ARHGEF12: variants seen among roughly 807,000 people sequenced by gnomAD.
ARHGEF12 encodes Rho guanine nucleotide exchange factor 12, also known as KMT2A/ARHGEF12 fusion protein.
In ARHGEF12, 66 loss-of-function variants were observed where a neutral mutation model predicts 211.2. That is an observed-to-expected ratio of 0.31 (90% CI 0.26 to 0.38). The LOEUF (loss-of-function observed/expected upper bound fraction) is 0.38, where lower values mean the gene tolerates loss of function less well. Ranked by LOEUF, ARHGEF12 falls within the 10% of genes least tolerant of loss-of-function variation. The probability of loss-of-function intolerance (pLI) is 1.00; values close to 1 mark genes in which losing one functional copy is unlikely to be tolerated. For missense variants in ARHGEF12, 1,429 were observed against 1,869.5 expected, an observed-to-expected ratio of 0.76 and a Z score of 4.34; for synonymous variants, 592 against 638.4, an observed-to-expected ratio of 0.93 and a Z score of 1.09.
chr11:120,470,762 CCCTTATATCTACCTTTTGACT>C (rs1946844100), intron 30 of ARHGEF12, among the ~76,000 whole-genome samples: 1 of 152,152 alleles, frequency 6.6e-6, no homozygotes, highest in South Asian at 2.1e-4. Flanking sequence ...TCTGTAGGTA[CCCTTATATCTACCTTTTGACT>C]CCGCAGTTCT....
intron 1 of ARHGEF12, 32 bp from the exon 2 acceptor site, chr11:120,406,086 C>CT (rs1944695107): frequency 6.6e-7 from 1 of 1,504,624 alleles, no homozygotes. Flanking sequence ...AGTAAAGTAA[C>CT]TACATCTATC....
chr11:120,368,291 C>G (rs566652865), intron 1 of ARHGEF12, among the ~76,000 whole-genome samples: 8 of 152,258 alleles, frequency 5.3e-5, no homozygotes, highest in Admixed American at 1.3e-4. Context: ...CAGGCACATG[C>G]TACAATGTCT....
intron 39 of ARHGEF12, among the ~76,000 whole-genome samples, chr11:120,482,972 A>G (rs1947292930): frequency 6.6e-6 from 1 of 152,152 alleles, no homozygotes; most frequent in African/African-American, 2.4e-5. Context: ...TGAGATATCG[A>G]CAAGCCCATT....
intron 1 of ARHGEF12, chr11:120,385,351 T>A: frequency 1.0e-6 from 1 of 985,374 alleles, no homozygotes; most frequent in Non-Finnish European, 1.2e-6. Flanking sequence ...TTTCCAAGGA[T>A]GTCGAATGTA....
At chr11:120,386,487 TATC>T (rs1470624285) in intron 1 of ARHGEF12, among the ~76,000 whole-genome samples, 2 of 152,114 alleles carry the variant, frequency 1.3e-5, no homozygotes, top group Admixed American at 6.5e-5. Flanking sequence ...TGATATGAGT[TATC>T]ATACTGTTTG....
chr11:120,444,775 A>G (rs375406360), intron 15 of ARHGEF12, among the ~76,000 whole-genome samples: 3 of 152,250 alleles, frequency 2.0e-5, no homozygotes, highest in South Asian at 2.1e-4. Context: ...TTATTATGCA[A>G]ATATTATGGG....
At position 120,458,205 on chromosome 11, in the gene ARHGEF12, G is replaced by A. The variant is rs1196096062; in HGVS notation, c.2351G>A (p.Cys784Tyr). ...SREVLLGLKP[C>Y]EIKRQEVINE... is the part of the protein sequence containing the mutation. ...GAAGTGTTACTGGGACTAAAACCTT[G>A]TGAAATCAAAAGACAGGAAGTGATT... The change falls in exon 25 of 41, where the codon TGT becomes TAT. Residue 784 changes from cysteine (C) to tyrosine (Y), a missense_variant. Physicochemically the swap from Cys to Tyr is radical, Grantham distance 194. This residue lies in a region of ARHGEF12 where 223 missense variants were observed against 444.6 expected (regional missense o/e 0.50). Transcript: ENST00000397843. The A allele has an allele frequency of 1.2e-6, 2 of 1,613,686 alleles. No individual in the cohort carries two copies. Among genetic ancestry groups the A allele is most frequent in the Middle Eastern group, 1.7e-4 (1 of 6,060 alleles).
intron 4 of ARHGEF12, chr11:120,409,747 G>T (rs1591554579): frequency 1.2e-5 from 3 of 251,272 alleles, no homozygotes; most frequent in East Asian, 1.6e-4. Flanking sequence ...TTTGGGTCAG[G>T]TTCCTCCAAA....
rs1942406755 is a variant in ARHGEF12, at chr11:120,337,925, A to G, written c.32+650A>G. On this transcript the variant is annotated intron_variant, in intron 1 of 40. Coordinates refer to ENST00000397843, the MANE Select transcript of ARHGEF12 (RefSeq NM_015313.3). ...TATTTAAATATTTCGTCTTCCAGAA[A>G]CACTTGGCGTTTAAGAGATATAAGC... 3.0e-6 allele frequency: 3 copies of G among 984,152 alleles called. No individual in the cohort carries two copies. In the South Asian group the frequency reaches 1.4e-4, roughly 46 times the overall value. The allele number at this position is 984,152 out of a possible 1,614,324, so 61.0% of individuals were successfully genotyped here.
chr11:120,467,030 G>A (rs1946723667), intron 28 of ARHGEF12, among the ~76,000 whole-genome samples, 164 bp from the exon 29 acceptor site: 1 of 152,158 alleles, frequency 6.6e-6, no homozygotes, highest in South Asian at 2.1e-4. Context: ...TGTGATTAAA[G>A]GAGAAAGCAG....
At chr11:120,345,428 G>C (rs1033656337) in intron 1 of ARHGEF12, among the ~76,000 whole-genome samples, 3 of 152,198 alleles carry the variant, frequency 2.0e-5, no homozygotes, top group Non-Finnish European at 2.9e-5. Flanking sequence ...AACAGGCCGG[G>C]CGTAGTGGCT....
intron 9 of ARHGEF12, 77 bp downstream of exon 9, chr11:120,429,594 C>T: frequency 1.9e-6 from 3 of 1,565,550 alleles, no homozygotes; most frequent in Admixed American, 1.7e-5. Context: ...GTTTATCAGT[C>T]ACAATCAAGC....
At chr11:120,390,656 A>G (rs1275010577) in intron 1 of ARHGEF12, among the ~76,000 whole-genome samples, 3 of 152,186 alleles carry the variant, frequency 2.0e-5, no homozygotes, top group Admixed American at 2.0e-4. Flanking sequence ...TCATTATACT[A>G]GATCTAGTTT....
intron 23 of ARHGEF12, 68 bp downstream of exon 23, chr11:120,457,318 A>G: frequency 1.3e-6 from 2 of 1,558,232 alleles, no homozygotes; most frequent in Non-Finnish European, 1.8e-6. Context: ...TGCTATTCCT[A>G]TACTTAGTAG....
intron 1 of ARHGEF12, among the ~76,000 whole-genome samples, chr11:120,351,490 G>T (rs1301162059): frequency 2.1e-5 from 2 of 96,336 alleles, no homozygotes; most frequent in African/African-American, 4.0e-5. Flanking sequence ...TTGAGACAAA[G>T]TCTCGCTCTG....
At chr11:120,394,225 C>CTT (rs942213637) in intron 1 of ARHGEF12, among the ~76,000 whole-genome samples, 1 of 144,956 alleles carries the variant, frequency 6.9e-6, no homozygotes, top group African/African-American at 2.5e-5. Flanking sequence ...ACATCAGCTT[C>CTT]TTTTTTTTTT....
chr11:120,349,020 G>T (rs1942854340), intron 1 of ARHGEF12, among the ~76,000 whole-genome samples: 1 of 152,110 alleles, frequency 6.6e-6, no homozygotes, highest in Non-Finnish European at 1.5e-5. Flanking sequence ...AGCATTTTGG[G>T]TAAGGGATAC....
chr11:120,337,144 T>G lies in ARHGEF12; in HGVS notation c.-100T>G, dbSNP rs1402200296. On this transcript the variant is annotated 5_prime_UTR_variant, in exon 1 of 41. Transcript: ENST00000397843. ...GTTTTGAGTTGGACTTTTGTGTCCC[T>G]GACGGAGTTGGGCCTGATCCCAGAG... 8 of 1,432,930 alleles carry G rather than the reference T, an allele frequency of 5.6e-6. No homozygotes were observed. In the African/African-American group the frequency reaches 1.1e-4, roughly 20 times the overall value. 88.8% of individuals were successfully genotyped at this position (1,432,930 alleles called of 1,614,324 possible). A position where few individuals can be genotyped will look rare whatever the true frequency, so the allele number is the denominator to read the frequency against.
chr11:120,457,325 G>C, intron 23 of ARHGEF12, 75 bp downstream of exon 23: 1 of 1,536,400 alleles, frequency 6.5e-7, no homozygotes, highest in Non-Finnish European at 8.9e-7. Flanking sequence ...CCTATACTTA[G>C]TAGCATTCTA....
Sources: allele counts gnomAD v4.1 joint callset (sites outside exome capture counted in the v4.1 genomes callset), GRCh38; gene constraint gnomAD v4.1.1; regional missense constraint gnomAD v4.1.1; transcripts MANE v1.5; gene names NCBI Gene and HGNC (gene_info 2026-07-23, HGNC 2026-07-21).